The following CYP4A11 variants were observed in gnomAD, a reference collection of about 807,000 sequenced individuals.
The protein encoded by CYP4A11 is cytochrome P450 family 4 subfamily A member 11.
In CYP4A11, 52 loss-of-function variants were observed where a neutral mutation model predicts 57.7. That is an observed-to-expected ratio of 0.90 (90% CI 0.72 to 1.14). The LOEUF (loss-of-function observed/expected upper bound fraction) is 1.14. Ranked by LOEUF, CYP4A11 falls within the 50% of genes most tolerant of loss-of-function variation. The pLI is 0.00. For missense variants in CYP4A11, 641 were observed against 642.1 expected, an observed-to-expected ratio of 1.00 and a Z score of 0.02; for synonymous variants, 228 against 247.1, an observed-to-expected ratio of 0.92 and a Z score of 0.72.
rs1681741593 is a variant in CYP4A11 at position 46,941,365 on chromosome 1, G to A, written c.69C>T (p.Ser23=). ...GDVSGILQAA[S]LLILLLLLIK... Reference sequence around the variant, plus strand: ...TCAGCAGCAGAAGCAGAATGAGCAGGGAGGCCGCTTGGAGGATTCCAGAGA... The same window carrying A: ...TCAGCAGCAGAAGCAGAATGAGCAGAGAGGCCGCTTGGAGGATTCCAGAGA... Residue 23 remains serine, a synonymous_variant, in exon 1 of 12, where the codon TCC becomes TCT. Coordinates refer to ENST00000310638, the MANE Select transcript of CYP4A11 (RefSeq NM_000778.4). The A allele has an allele frequency of 6.2e-7, 1 of 1,614,152 alleles. No individual in the cohort carries two copies.
At chr1:46,935,216 G>T (rs984092348) in intron 5 of CYP4A11, 62 bp from the exon 6 acceptor site, 143 of 1,569,826 alleles carry the variant, frequency 9.1e-5, no homozygotes, top group Non-Finnish European at 1.2e-4. Context: ...GAAGTAGAAT[G>T]GGGTCTGAGA....
In CYP4A11 at chr1:46,935,541, C is replaced by A; in HGVS notation, c.617G>T (p.Gly206Val). 1 of 1,613,904 alleles carries A rather than the reference C, an allele frequency of 6.2e-7. No individual in the cohort carries two copies. Among genetic ancestry groups the A allele is most frequent in the Non-Finnish European group, 8.5e-7 (1 of 1,179,842 alleles). The change falls in exon 5 of 12, where the codon GGC (glycine) becomes GTC (valine). Residue 206 changes from glycine (G) to valine (V), a missense_variant. By Grantham distance (109) the Gly-to-Val change is moderately radical. Transcript: ENST00000310638. ...TIMKCAFSHQ[G>V]SIQVDRNSQS... ...CACTGACCTGTCCACCTGGATGCTG[C>A]CCTGATGGCTGAAGGCACACTTCAT...
intron 1 of CYP4A11, chr1:46,940,819 G>A (rs1681703747): frequency 1.0e-6 from 1 of 985,370 alleles, no homozygotes; most frequent in African/African-American, 1.7e-5. Context: ...CTCATGGCAT[G>A]GATTCCTCAG....
At position 46,932,736 on chromosome 1, in the gene CYP4A11, C is replaced by G. The variant is rs753057767; in HGVS notation, c.1364+25G>C. On this transcript the variant is annotated intron_variant, in intron 11 of 11. Coordinates refer to ENST00000310638, the MANE Select transcript of CYP4A11 (RefSeq NM_000778.4). ...CAGAGACTTCCCTCATTCCTCTATT[C>G]GAATTACCACACAGGACGTCTCACC... 1.9e-6 allele frequency: 3 copies of G among 1,614,030 alleles called. No homozygotes were observed. The East Asian group carries it at 6.7e-5, about 36-fold the overall frequency.
At chr1:46,940,405 A>C (rs1259538151) in intron 1 of CYP4A11, among the ~76,000 whole-genome samples, 2 of 152,200 alleles carry the variant, frequency 1.3e-5, no homozygotes, top group Non-Finnish European at 2.9e-5. Flanking sequence ...AGCTTGCTCT[A>C]CACACCTGAG....
chr1:46,930,068 G>A lies in CYP4A11; in HGVS notation c.*47C>T. The A allele has an allele frequency of 1.3e-6, 2 of 1,566,366 alleles. No individual in the cohort carries two copies. The highest frequency in any genetic ancestry group is 1.7e-6 in the Non-Finnish European group (2 of 1,154,040). On this transcript the variant is annotated 3_prime_UTR_variant, in exon 12 of 12. Transcript: ENST00000310638. ...AAAACAGGATATGGGCAGACAGGAA[G>A]GGGACAGAAGCGGGGGTCAGGAAGA...
chr1:46,931,471 A>C (rs1681024742), intron 11 of CYP4A11: 3 of 835,802 alleles, frequency 3.6e-6, no homozygotes, highest in Admixed American at 6.2e-5. Flanking sequence ...CTGTTTTCTC[A>C]TCATGCTGCA....
chr1:46,931,684 G>T, intron 11 of CYP4A11: 1 of 675,902 alleles, frequency 1.5e-6, no homozygotes, highest in Non-Finnish European at 1.8e-6. Flanking sequence ...CTCATGCTGG[G>T]ATAGACAGAC....
chr1:46,937,849 G>T, intron 2 of CYP4A11, 147 bp downstream of exon 2: 1 of 1,269,418 alleles, frequency 7.9e-7, no homozygotes. Context: ...TTTGACTATA[G>T]CCTGGGCATG....
At chr1:46,936,812 TG>T (rs1182514436) in intron 3 of CYP4A11, 21 bp from the exon 4 acceptor site, 3 of 1,490,776 alleles carry the variant, frequency 2.0e-6, no homozygotes, top group Admixed American at 2.1e-5. Flanking sequence ...CATGAATGTG[TG>T]TTTGTGTGTG....
At position 46,933,836 on chromosome 1, in the gene CYP4A11, G is replaced by T; in HGVS notation, c.1222+110C>A. On this transcript the variant is annotated intron_variant, in intron 9 of 11. Coordinates refer to ENST00000310638, the MANE Select transcript of CYP4A11 (RefSeq NM_000778.4). ...ACAAAGTATGTTTTTGATTTTTTTA[G>T]AACAAAAGGGAGACCCAGAGATGTG... 26 of 1,478,970 alleles carry T rather than the reference G, an allele frequency of 1.8e-5. No homozygotes were observed. In the South Asian group the frequency reaches 3.6e-4, roughly 21 times the overall value. The allele number at this position is 1,478,970 out of a possible 1,614,324, so 91.6% of individuals were successfully genotyped here.
chr1:46,937,408 C>A, intron 2 of CYP4A11, 62 bp from the exon 3 acceptor site: 1 of 1,551,118 alleles, frequency 6.4e-7, no homozygotes, highest in Non-Finnish European at 8.9e-7. Context: ...GTCTTAGAGG[C>A]TGCATCAATT....
chr1:46,935,771 G>C lies in CYP4A11; in HGVS notation c.511-124C>G, dbSNP rs1343644135. ...TGTAGCATGCAGATATCTTGGTTGG[G>C]ATTCCTCACTTTACAGAGCAGATGC... is the stretch of plus-strand genomic sequence containing the variant. On this transcript the variant is annotated intron_variant, in intron 4 of 11. Coordinates refer to ENST00000310638, the MANE Select transcript of CYP4A11 (RefSeq NM_000778.4). The C allele has an allele frequency of 3.3e-6, 5 of 1,522,256 alleles. No individual in the cohort carries two copies. In the South Asian group the frequency reaches 5.3e-5, roughly 16 times the overall value. 94.3% of individuals were successfully genotyped at this position (1,522,256 alleles called of 1,614,324 possible).
chr1:46,931,681 T>C lies in CYP4A11; in HGVS notation c.1364+1080A>G, dbSNP rs573453027. On this transcript the variant is annotated intron_variant, in intron 11 of 11. Coordinates refer to ENST00000310638, the MANE Select transcript of CYP4A11 (RefSeq NM_000778.4). ...AATGTTTAGGAGGACTTTCTCATGC[T>C]GGGATAGACAGACCAGTGCTGGAGA... 4.4e-6 allele frequency: 3 copies of C among 678,064 alleles called. No homozygotes were observed. The African/African-American group carries it at 5.8e-5, about 13-fold the overall frequency. The allele number at this position is 678,064 out of a possible 1,614,324, so 42.0% of individuals were successfully genotyped here.
At chr1:46,933,831 T>C in intron 9 of CYP4A11, 115 bp downstream of exon 9, 1 of 1,470,602 alleles carries the variant, frequency 6.8e-7, no homozygotes, top group Non-Finnish European at 9.1e-7. Flanking sequence ...TTTTTGATTT[T>C]TTTAGAACAA....
chr1:46,931,190 C>T (rs1252610278), intron 11 of CYP4A11, among the ~76,000 whole-genome samples: 1 of 152,202 alleles, frequency 6.6e-6, no homozygotes, highest in Non-Finnish European at 1.5e-5. Context: ...AATGTCCTCC[C>T]TCCACCTCTG....
At chr1:46,932,260 TG>T (rs1681071992) in intron 11 of CYP4A11, 1 of 1,002,964 alleles carries the variant, frequency 1.0e-6, no homozygotes, top group Non-Finnish European at 1.2e-6. Context: ...AGGTAGGACT[TG>T]CAGGTCATCT....
Position 46,935,077 on chromosome 1 carries a change from T to C in CYP4A11, c.713A>G (p.Gln238Arg), listed in dbSNP as rs1359013789. 8 of 1,614,092 alleles carry C rather than the reference T, an allele frequency of 5.0e-6. No homozygotes were observed. The highest frequency in any genetic ancestry group is 6.8e-6 in the Non-Finnish European group (8 of 1,180,060). Reference sequence around the variant, plus strand: ...GGTCAGGCTGTAGATGGTGTCATTCTGGTGAAAGGCATTCCTCACACGGGA... The same window carrying C: ...GGTCAGGCTGTAGATGGTGTCATTCCGGTGAAAGGCATTCCTCACACGGGA... The part of the protein sequence containing the change: ...VFSRVRNAFH[Q>R]NDTIYSLTSA... The change falls in exon 6 of 12, where the codon CAG becomes CGG. Residue 238 changes from glutamine to arginine, a missense_variant. Coordinates refer to ENST00000310638, the MANE Select transcript of CYP4A11 (RefSeq NM_000778.4).
chr1:46,940,208 G>A (rs1681667001), intron 1 of CYP4A11, among the ~76,000 whole-genome samples: 1 of 152,020 alleles, frequency 6.6e-6, no homozygotes, highest in Admixed American at 6.6e-5. Context: ...GCTTTCCTAG[G>A]CCACATTGGA....
Sources: allele counts gnomAD v4.1 joint callset (sites outside exome capture counted in the v4.1 genomes callset), GRCh38; gene constraint gnomAD v4.1.1; transcripts MANE v1.5; gene names NCBI Gene and HGNC (gene_info 2026-07-23, HGNC 2026-07-21).